Variants in DOCK3 observed in about 807,000 individuals in gnomAD.
The protein encoded by DOCK3 is dedicator of cytokinesis 3.
A neutral mutation model predicts 265.6 loss-of-function variants in DOCK3; 60 were observed. The ratio of observed to expected loss-of-function variants is 0.23; its 90% CI spans 0.18 to 0.28. The LOEUF (loss-of-function observed/expected upper bound fraction) is 0.28, where lower values mean the gene tolerates loss of function less well. Ranked by LOEUF, DOCK3 falls within the 10% of genes least tolerant of loss-of-function variation. DOCK3 has a pLI of 1.00. For missense variants in DOCK3, 1,981 were observed against 2,594.3 expected (o/e 0.76, Z 5.14); for synonymous variants, 881 against 938.0 (o/e 0.94, Z 1.11).
chr3:51,047,448 G>C (rs1032873222), intron 5 of DOCK3, among the ~76,000 whole-genome samples: 1 of 100,278 alleles, frequency 1.0e-5, no homozygotes, highest in African/African-American at 4.1e-5. Context: ...CAGAGATAGA[G>C]AATGGAAAAC....
At chr3:50,859,210 G>GTTTTTTTTTT (rs138539454) in intron 3 of DOCK3, among the ~76,000 whole-genome samples, 1 of 69,222 alleles carries the variant, frequency 1.4e-5, no homozygotes. Context: ...AACTGGTATG[G>GTTTTTTTTTT]TTTTTTTTTT....
chr3:51,067,411 T>TC (rs1383937386), intron 6 of DOCK3, among the ~76,000 whole-genome samples: 1 of 132,582 alleles, frequency 7.5e-6, no homozygotes, highest in Non-Finnish European at 1.6e-5. Context: ...CATGACTTTT[T>TC]CTCAATGAAA....
At chr3:51,066,497 T>C (rs939878949) in intron 6 of DOCK3, among the ~76,000 whole-genome samples, 7 of 152,292 alleles carry the variant, frequency 4.6e-5, no homozygotes, top group Non-Finnish European at 1.0e-4. Context: ...AATGAAATAA[T>C]ATGTTCAGAG....
intron 9 of DOCK3, among the ~76,000 whole-genome samples, chr3:51,118,974 T>G (rs576338771): frequency 2.0e-4 from 30 of 152,308 alleles, no homozygotes; most frequent in African/African-American, 7.0e-4. Flanking sequence ...CCCATTTACA[T>G]TTAAGGTTAG....
chr3:50,907,256 A>G (rs1304918244), intron 4 of DOCK3, among the ~76,000 whole-genome samples: 2 of 152,130 alleles, frequency 1.3e-5, no homozygotes, highest in African/African-American at 4.8e-5. Flanking sequence ...AGTTCGTTAG[A>G]TGTCTATTAA....
intron 5 of DOCK3, among the ~76,000 whole-genome samples, chr3:50,975,219 A>C (rs538684423): frequency 0.012 from 1,769 of 148,514 alleles, 25 homozygotes; most frequent in African/African-American, 0.04. Context: ...GTCTTGTGCC[A>C]GTTTTCAAAG....
At chr3:50,730,986 G>A (rs2038172476) in intron 1 of DOCK3, among the ~76,000 whole-genome samples, 1 of 151,848 alleles carries the variant, frequency 6.6e-6, no homozygotes, top group Non-Finnish European at 1.5e-5. Flanking sequence ...AAAAAAATTA[G>A]CTGGGCGTGG....
chr3:50,776,347 AT>A lies in DOCK3; in HGVS notation c.38-2320del, dbSNP rs535261634. On this transcript the variant is annotated intron_variant, in intron 1 of 52. Coordinates refer to ENST00000266037, the MANE Select transcript of DOCK3 (RefSeq NM_004947.5). ...TCCCAGAGGATTAATGATATTGAGC[AT>A]TTTTTTTCATGTGTTTGTTGGCTGT... Among the ~76,000 whole-genome samples, 122 of 150,430 alleles carry A rather than the reference AT, an allele frequency of 8.1e-4. 4 individuals carry two copies. In the South Asian group the frequency reaches 0.023, roughly 28 times the overall value.
chr3:51,169,994 T>TA (rs150350649), intron 12 of DOCK3, among the ~76,000 whole-genome samples: 5,704 of 152,200 alleles, frequency 0.037, 335 homozygotes, highest in African/African-American at 0.13. Context: ...TTCTTTTTTT[T>TA]ATGGGTTTAA....
intron 27 of DOCK3, 97 bp from the exon 28 acceptor site, chr3:51,310,135 C>T (rs2082979046): frequency 3.4e-6 from 3 of 888,482 alleles, no homozygotes; most frequent in African/African-American, 1.7e-5. Flanking sequence ...TCACTGGTCC[C>T]ACCCATTGTC....
intron 3 of DOCK3, among the ~76,000 whole-genome samples, chr3:50,885,778 C>T (rs1240546480): frequency 3.9e-5 from 6 of 152,004 alleles, no homozygotes; most frequent in Non-Finnish European, 8.8e-5. Flanking sequence ...CTTACGTTAC[C>T]CCAATGTGGG....
intron 1 of DOCK3, among the ~76,000 whole-genome samples, chr3:50,768,475 T>C (rs1445868192): frequency 2.0e-5 from 3 of 152,174 alleles, no homozygotes; most frequent in South Asian, 4.1e-4. Context: ...TTATCCACCA[T>C]GATCAAGTGG....
At chr3:50,884,238 C>G (rs550897764) in intron 3 of DOCK3, among the ~76,000 whole-genome samples, 1 of 152,034 alleles carries the variant, frequency 6.6e-6, no homozygotes, top group Non-Finnish European at 1.5e-5. Flanking sequence ...TTACAGGCAT[C>G]CACCACCACG....
At chr3:51,095,065 G>A (rs573968410) in intron 9 of DOCK3, among the ~76,000 whole-genome samples, 10 of 150,126 alleles carry the variant, frequency 6.7e-5, no homozygotes, top group Middle Eastern at 3.4e-3. Context: ...GCCTATGTGT[G>A]TCTTTGCATG....
chr3:50,729,179 G>C (rs1291843142), intron 1 of DOCK3, among the ~76,000 whole-genome samples: 2 of 148,116 alleles, frequency 1.4e-5, no homozygotes, highest in African/African-American at 4.9e-5. Context: ...AAATTAGCCA[G>C]GTGTGGTGAT....
chr3:51,246,827 A>G lies in DOCK3; in HGVS notation c.2184+20A>G. 4 of 1,607,888 alleles carry G rather than the reference A, an allele frequency of 2.5e-6. No homozygotes were observed. Among genetic ancestry groups the G allele is most frequent in the South Asian group, 1.1e-5 (1 of 89,754 alleles). On this transcript the variant is annotated intron_variant, in intron 22 of 52. Coordinates refer to ENST00000266037, the MANE Select transcript of DOCK3 (RefSeq NM_004947.5). ...ATGCGGGTAATGTACTAACCTCTCC[A>G]TACATAAGAGACCCACTCATGCAAT... is the stretch of plus-strand genomic sequence containing the variant.
At chr3:51,354,430 A>G (rs2086222619) in intron 40 of DOCK3, among the ~76,000 whole-genome samples, 1 of 152,100 alleles carries the variant, frequency 6.6e-6, no homozygotes, top group African/African-American at 2.4e-5. Flanking sequence ...TGCTTCTACC[A>G]GTTCTCTACA....
chr3:51,179,665 T>G (rs967625615), intron 12 of DOCK3, among the ~76,000 whole-genome samples: 2 of 152,180 alleles, frequency 1.3e-5, no homozygotes, highest in Non-Finnish European at 2.9e-5. Flanking sequence ...ACCAGCACTT[T>G]GGGAAGCCAA....
At chr3:51,284,599 A>T (rs2081310507) in intron 27 of DOCK3, among the ~76,000 whole-genome samples, 1 of 152,196 alleles carries the variant, frequency 6.6e-6, no homozygotes, top group South Asian at 2.1e-4. Flanking sequence ...GAAGGGTCTC[A>T]TGGCACATAA....
Sources: gnomAD v4.1 joint callset for allele counts (sites outside exome capture counted in the v4.1 genomes callset) on GRCh38, gnomAD v4.1.1 for gene constraint, MANE v1.5 for transcripts, NCBI Gene and HGNC (gene_info 2026-07-23, HGNC 2026-07-21) for gene names.